Variants in KNOP1 observed in about 807,000 individuals in gnomAD.
KNOP1 encodes lysine-rich nucleolar protein 1.
In KNOP1, 20 loss-of-function variants were observed where a neutral mutation model predicts 30.6. That is an observed-to-expected ratio of 0.65 (90% CI 0.46 to 0.95). KNOP1 has a LOEUF of 0.95. Among genes scored for constraint, KNOP1 ranks in the 40% least tolerant of loss-of-function variants. KNOP1 has a pLI of 0.00. For missense variants in KNOP1, 540 were observed against 562.0 expected (o/e 0.96, Z 0.40); for synonymous variants, 204 against 210.0 (o/e 0.97, Z 0.25).
chr16:19,709,227 T>TA (rs1327341852), intron 4 of KNOP1, among the ~76,000 whole-genome samples: 1 of 152,094 alleles, frequency 6.6e-6, no homozygotes, highest in Non-Finnish European at 1.5e-5. Context: ...GTCCCACCAC[T>TA]AGACAGTGGC....
At position 19,706,780 on chromosome 16, in the gene KNOP1, GTTATTTA is replaced by G; in HGVS notation, c.*123_*129del. On this transcript the variant is annotated 3_prime_UTR_variant, in exon 5 of 5. Transcript: ENST00000219837. Reference sequence around the variant, plus strand: ...TTACTGGAACGCTAAGCTTATGGGAGTTATTTATATCTTACTGCTCGAGGTCCTCACC... The same window carrying G: ...TTACTGGAACGCTAAGCTTATGGGAGTATCTTACTGCTCGAGGTCCTCACC... 1 of 910,306 alleles carries G rather than the reference GTTATTTA, an allele frequency of 1.1e-6. No individual in the cohort carries two copies. The highest frequency in any genetic ancestry group is 1.7e-6 in the Non-Finnish European group (1 of 583,406). 56.4% of individuals were successfully genotyped at this position (910,306 alleles called of 1,614,324 possible).
In KNOP1 at chr16:19,705,934, T is replaced by G. The variant is rs1028991744; in HGVS notation, c.*976A>C. 2 of 152,318 alleles carry G rather than the reference T, an allele frequency of 1.3e-5. No homozygotes were observed. Among genetic ancestry groups the G allele is most frequent in the African/African-American group, 4.8e-5 (2 of 41,456 alleles). 9.4% of individuals were successfully genotyped at this position (152,318 alleles called of 1,614,324 possible). A position where few individuals can be genotyped will look rare whatever the true frequency, so the allele number is the denominator to read the frequency against. ...CCCTGGGATCTGCCATTGATTCATT[T>G]GCGGGACTAACCACTCTTCCTAAAA... On this transcript the variant is annotated 3_prime_UTR_variant, in exon 5 of 5. Transcript: ENST00000219837.
rs1390785824 is a variant in KNOP1 at position 19,706,560 on chromosome 16, T to C, written c.*350A>G. The C allele has an allele frequency of 7.0e-6, 2 of 286,922 alleles. No individual in the cohort carries two copies. The highest frequency in any genetic ancestry group is 4.0e-5 in the South Asian group (1 of 24,944). 17.8% of individuals were successfully genotyped at this position (286,922 alleles called of 1,614,324 possible). ...ATGTCTCAAACAGGGACGGAATGTT[T>C]AACACAGAAAACAGGAGGTTTTAGC... On this transcript the variant is annotated 3_prime_UTR_variant, in exon 5 of 5. Coordinates refer to ENST00000219837, the MANE Select transcript of KNOP1 (RefSeq NM_001012991.3).
chr16:19,708,224 C>T (rs1291878377), intron 4 of KNOP1, among the ~76,000 whole-genome samples: 2 of 151,638 alleles, frequency 1.3e-5, no homozygotes, highest in African/African-American at 2.4e-5. Context: ...GGTCACACAG[C>T]CAAGTCAGAC....
rs1304992370 is a variant in KNOP1 at position 19,706,765 on chromosome 16, G to A, written c.*145C>T. On this transcript the variant is annotated 3_prime_UTR_variant, in exon 5 of 5. Coordinates refer to ENST00000219837, the MANE Select transcript of KNOP1 (RefSeq NM_001012991.3). ...ATGCCTAGTGTTCCATTACTGGAACGCTAAGCTTATGGGAGTTATTTATAT... is the reference window on the plus strand; with the variant it reads ...ATGCCTAGTGTTCCATTACTGGAACACTAAGCTTATGGGAGTTATTTATAT... 7.4e-6 allele frequency: 6 copies of A among 807,334 alleles called. No homozygotes were observed. Among genetic ancestry groups the A allele is most frequent in the East Asian group, 2.5e-5 (1 of 40,666 alleles). The allele number at this position is 807,334 out of a possible 1,614,324, so 50.0% of individuals were successfully genotyped here. A position where few individuals can be genotyped will look rare whatever the true frequency, so the allele number is the denominator to read the frequency against.
Position 19,714,825 on chromosome 16 carries a change from T to C in KNOP1, c.211A>G (p.Lys71Glu). ...MPLVKKKKKKKKGVSTLCEEH... is the reference protein window; with the variant it reads ...MPLVKKKKKKEKGVSTLCEEH... ...TCGCAAAGGGTGCTGACACCCTTCT[T>C]TTTCTTCTTCTTTTTCTTCACTAGA... The change falls in exon 2 of 5, where the codon AAG becomes GAG. Residue 71 changes from lysine to glutamate, a missense_variant. By Grantham distance (56) the Lys-to-Glu change is moderately conservative. Coordinates refer to ENST00000219837, the MANE Select transcript of KNOP1 (RefSeq NM_001012991.3). The C allele has an allele frequency of 1.9e-6, 3 of 1,613,564 alleles. No individual in the cohort carries two copies. Among genetic ancestry groups the C allele is most frequent in the Non-Finnish European group, 2.5e-6 (3 of 1,179,812 alleles).
At position 19,705,539 on chromosome 16, in the gene KNOP1, A is replaced by G. The variant is rs1230001607; in HGVS notation, c.*1371T>C. On this transcript the variant is annotated 3_prime_UTR_variant, in exon 5 of 5. Coordinates refer to ENST00000219837, the MANE Select transcript of KNOP1 (RefSeq NM_001012991.3). ...CACGTTCATCTCCTCCTGGCATTCA[A>G]TATCCACCTACAGAAGTCACCTGGG... 2 of 281,320 alleles carry G rather than the reference A, an allele frequency of 7.1e-6. No homozygotes were observed. Among genetic ancestry groups the G allele is most frequent in the Non-Finnish European group, 1.4e-5 (2 of 142,862 alleles). 17.4% of individuals were successfully genotyped at this position (281,320 alleles called of 1,614,324 possible).
At chr16:19,707,253 C>T (rs1349567607) in intron 4 of KNOP1, 32 bp from the exon 5 acceptor site, 2 of 1,590,990 alleles carry the variant, frequency 1.3e-6, no homozygotes, top group Admixed American at 3.5e-5. Context: ...GGCTATTTTC[C>T]TTGAGTTCAA....
At chr16:19,710,423 T>G (rs759167464) in intron 4 of KNOP1, 86 bp downstream of exon 4, 3 of 1,346,630 alleles carry the variant, frequency 2.2e-6, no homozygotes, top group East Asian at 4.6e-5. Flanking sequence ...TTGGTTCTCC[T>G]GCTCCACTCC....
chr16:19,707,823 A>G (rs1233870901), intron 4 of KNOP1, among the ~76,000 whole-genome samples: 36 of 81,132 alleles, frequency 4.4e-4, no homozygotes, highest in Non-Finnish European at 1.2e-4. Flanking sequence ...ACCATCCTAC[A>G]AAGCGCACCT....
chr16:19,706,758 C>T lies in KNOP1; in HGVS notation c.*152G>A. 2 of 775,260 alleles carry T rather than the reference C, an allele frequency of 2.6e-6. No homozygotes were observed. The highest frequency in any genetic ancestry group is 4.2e-6 in the Non-Finnish European group (2 of 471,786). The allele number at this position is 775,260 out of a possible 1,614,324, so 48.0% of individuals were successfully genotyped here. A position where few individuals can be genotyped will look rare whatever the true frequency, so the allele number is the denominator to read the frequency against. ...ACCATTTATGCCTAGTGTTCCATTACTGGAACGCTAAGCTTATGGGAGTTA... is the reference window on the plus strand; with the variant it reads ...ACCATTTATGCCTAGTGTTCCATTATTGGAACGCTAAGCTTATGGGAGTTA... On this transcript the variant is annotated 3_prime_UTR_variant, in exon 5 of 5. Coordinates refer to ENST00000219837, the MANE Select transcript of KNOP1 (RefSeq NM_001012991.3).
chr16:19,715,416 T>C (rs1457929282), intron 1 of KNOP1: 1 of 147,786 alleles, frequency 6.8e-6, no homozygotes. Flanking sequence ...TTTTTCTCTT[T>C]TTTTTTTTTT....
At chr16:19,710,999 G>T (rs574346532) in intron 3 of KNOP1, among the ~76,000 whole-genome samples, 5 of 151,618 alleles carry the variant, frequency 3.3e-5, no homozygotes, top group Admixed American at 6.6e-5. Flanking sequence ...GGGAACGACA[G>T]AAGCGGAAGC....
At chr16:19,718,011 C>G (rs1390938209) in intron 1 of KNOP1, 147 bp downstream of exon 1, 4 of 1,347,860 alleles carry the variant, frequency 3.0e-6, no homozygotes, top group Non-Finnish European at 3.8e-6. Context: ...GCGGCGGCCT[C>G]AGGCCGGAGC....
Position 19,706,261 on chromosome 16 carries a change from G to A in KNOP1, c.*649C>T, listed in dbSNP as rs142442431. On this transcript the variant is annotated 3_prime_UTR_variant, in exon 5 of 5. Transcript: ENST00000219837. ...ATCTAAAGACATTTCAATCCCCAAC[G>A]AGGATTCTGGTGGAAATTCCCTAAA... is the stretch of plus-strand genomic sequence containing the variant. 8 of 152,708 alleles carry A rather than the reference G, an allele frequency of 5.2e-5. No individual in the cohort carries two copies. The East Asian group carries it at 1.2e-3, about 22-fold the overall frequency. The allele number at this position is 152,708 out of a possible 1,614,324, so 9.5% of individuals were successfully genotyped here. A position where few individuals can be genotyped will look rare whatever the true frequency, so the allele number is the denominator to read the frequency against.
At chr16:19,717,525 A>G in intron 1 of KNOP1, 1 of 985,246 alleles carries the variant, frequency 1.0e-6, no homozygotes. Context: ...TTGCGGGTCA[A>G]CTCTTAATCC....
intron 3 of KNOP1, 89 bp from the exon 4 acceptor site, chr16:19,710,675 G>A (rs369807212): frequency 8.6e-6 from 9 of 1,043,826 alleles, no homozygotes; most frequent in South Asian, 2.6e-5. Flanking sequence ...CTGGGGGAAC[G>A]GAACGTGGGA....
In KNOP1 at chr16:19,707,155, T is replaced by G. The variant is rs781666118; in HGVS notation, c.1132A>C (p.Arg378=). The G allele has an allele frequency of 1.2e-6, 2 of 1,613,912 alleles. No individual in the cohort carries two copies. Among genetic ancestry groups the G allele is most frequent in the Non-Finnish European group, 1.7e-6 (2 of 1,179,988 alleles). The change falls in exon 5 of 5, where the codon AGA becomes CGA. Residue 378 remains arginine (R), a synonymous_variant. Transcript: ENST00000219837. ...ENEDQKLKFL[R]LMGGFKNLSP... The stretch of plus-strand genomic sequence containing the variant: ...AGGTTTTTGAAGCCACCCATAAGTC[T>G]GAGAAATTTCAGTTTTTGGTCCTCG...
rs986155123 is a variant in KNOP1 at position 19,718,182 on chromosome 16, C to T, written c.-27G>A. 4.7e-6 allele frequency: 7 copies of T among 1,489,730 alleles called. No individual in the cohort carries two copies. In the Admixed American group the frequency reaches 8.7e-5, roughly 18 times the overall value. 92.3% of individuals were successfully genotyped at this position (1,489,730 alleles called of 1,614,324 possible). ...CCGGTGGGCGAAATTTCCCCGCCTC[C>T]ACGTGAGAGCCAGCTCCGCCGTGAC... is the stretch of plus-strand genomic sequence containing the variant. On this transcript the variant is annotated 5_prime_UTR_variant, in exon 1 of 5. Transcript: ENST00000219837.
Sources: allele counts gnomAD v4.1 joint callset (sites outside exome capture counted in the v4.1 genomes callset), GRCh38; gene constraint gnomAD v4.1.1; transcripts MANE v1.5; gene names NCBI Gene and HGNC (gene_info 2026-07-23, HGNC 2026-07-21).